The following ENTREP2 variants were observed in gnomAD, a reference collection of about 807,000 sequenced individuals.
ENTREP2 encodes endosomal transmembrane epsin interactor 2, also known as protein ENTREP2.
the ENTREP2 span, among the ~76,000 whole-genome samples, chr15:29,176,379 C>A: frequency 6.6e-6 from 1 of 152,066 alleles, no homozygotes; most frequent in Non-Finnish European, 1.5e-5. Context: ...CTGGGTGGGC[C>A]TCCAGAACAG....
the ENTREP2 span, chr15:29,196,584 C>T: frequency 6.5e-7 from 1 of 1,539,528 alleles, no homozygotes; most frequent in Non-Finnish European, 8.8e-7. Flanking sequence ...GGAACACAGA[C>T]AGACCTCACC....
chr15:29,424,231 C>A, the ENTREP2 span, among the ~76,000 whole-genome samples: 38 of 152,322 alleles, frequency 2.5e-4, no homozygotes, highest in African/African-American at 9.1e-4. Context: ...AAAACCTCTG[C>A]ACTACCTAAG....
chr15:29,241,745 T>C, the ENTREP2 span, among the ~76,000 whole-genome samples: 25 of 152,322 alleles, frequency 1.6e-4, no homozygotes, highest in East Asian at 3.9e-3. Context: ...GCAGAATGAA[T>C]TGAAATAACT....
chr15:29,251,527 A>T, the ENTREP2 span, among the ~76,000 whole-genome samples: 1 of 152,014 alleles, frequency 6.6e-6, no homozygotes, highest in African/African-American at 2.4e-5. Context: ...ATTATGAGAT[A>T]TTTTTTGTGA....
chr15:29,544,688 G>A, the ENTREP2 span, among the ~76,000 whole-genome samples: 1 of 152,134 alleles, frequency 6.6e-6, no homozygotes, highest in Admixed American at 6.5e-5. Flanking sequence ...ACAGGAAGGT[G>A]CTACATCTGC....
the ENTREP2 span, among the ~76,000 whole-genome samples, chr15:29,472,472 C>CACACACAT: frequency 4.1e-5 from 5 of 120,690 alleles, no homozygotes; most frequent in Admixed American, 7.6e-5. Context: ...CACACACACA[C>CACACACAT]ATATAAATTT....
At chr15:29,364,286 A>T in the ENTREP2 span, among the ~76,000 whole-genome samples, 19 of 152,150 alleles carry the variant, frequency 1.2e-4, no homozygotes, top group Admixed American at 1.2e-3. Flanking sequence ...ACTGATTAAG[A>T]GCCAGTTGGC....
chr15:29,481,592 G>C, the ENTREP2 span, among the ~76,000 whole-genome samples: 1 of 152,130 alleles, frequency 6.6e-6, no homozygotes, highest in Admixed American at 6.5e-5. Flanking sequence ...TAAAAATTCT[G>C]AAGGAAACAT....
At chr15:29,638,152 C>T in the ENTREP2 span, among the ~76,000 whole-genome samples, 1 of 152,214 alleles carries the variant, frequency 6.6e-6, no homozygotes, top group Non-Finnish European at 1.5e-5. Context: ...AGGAATCTGG[C>T]CTTGTCAGTT....
At chr15:29,333,573 A>T in the ENTREP2 span, among the ~76,000 whole-genome samples, 1 of 152,204 alleles carries the variant, frequency 6.6e-6, no homozygotes, top group Non-Finnish European at 1.5e-5. Context: ...CTATCCCTCC[A>T]GCAGGATCCC....
At chr15:29,586,723 T>C in the ENTREP2 span, among the ~76,000 whole-genome samples, 1 of 148,534 alleles carries the variant, frequency 6.7e-6, no homozygotes, top group Non-Finnish European at 1.5e-5. Flanking sequence ...CACTCCAGCC[T>C]GGGCAACAGA....
At chr15:29,155,777 G>C in the ENTREP2 span, among the ~76,000 whole-genome samples, 1 of 152,138 alleles carries the variant, frequency 6.6e-6, no homozygotes, top group Non-Finnish European at 1.5e-5. Context: ...CAGGGATCAG[G>C]GTTCTTCATT....
the ENTREP2 span, among the ~76,000 whole-genome samples, chr15:29,414,153 T>C: frequency 8.5e-5 from 13 of 152,290 alleles, no homozygotes; most frequent in East Asian, 9.7e-4. Flanking sequence ...GCGGACCTAA[T>C]AGACATCTAC....
chr15:29,382,602 A>G, the ENTREP2 span, among the ~76,000 whole-genome samples: 2 of 152,124 alleles, frequency 1.3e-5, no homozygotes, highest in African/African-American at 2.4e-5. Flanking sequence ...GGGTCTCACC[A>G]GAAGTCATCC....
the ENTREP2 span, among the ~76,000 whole-genome samples, chr15:29,609,201 G>C: frequency 6.7e-6 from 1 of 150,072 alleles, no homozygotes; most frequent in African/African-American, 2.4e-5. Context: ...TGGGGACTTG[G>C]AAAAACTGAA....
the ENTREP2 span, among the ~76,000 whole-genome samples, chr15:29,470,400 G>A: frequency 6.6e-6 from 1 of 152,108 alleles, no homozygotes; most frequent in African/African-American, 2.4e-5. Context: ...TTCGTCTCGG[G>A]GAGCCTCCTG....
the ENTREP2 span, among the ~76,000 whole-genome samples, chr15:29,664,676 T>C: frequency 2.6e-5 from 4 of 152,156 alleles, no homozygotes; most frequent in Non-Finnish European, 5.9e-5. Context: ...AATGTGGGTT[T>C]TGTGATAGTT....
the ENTREP2 span, among the ~76,000 whole-genome samples, chr15:29,619,741 G>A: frequency 2.0e-5 from 3 of 152,054 alleles, no homozygotes; most frequent in Admixed American, 1.3e-4. Context: ...TAGAGGCTAC[G>A]GATTTCCTGA....
chr15:29,554,338 G>T, the ENTREP2 span, among the ~76,000 whole-genome samples: 2 of 149,980 alleles, frequency 1.3e-5, no homozygotes, highest in Non-Finnish European at 3.0e-5. Flanking sequence ...AGGAAGGAAG[G>T]AAGTGAGGAA....
Sources: allele counts gnomAD v4.1 joint callset (sites outside exome capture counted in the v4.1 genomes callset), GRCh38; gene constraint gnomAD v4.1.1; transcripts MANE v1.5; gene names NCBI Gene and HGNC (gene_info 2026-07-23, HGNC 2026-07-21).